The following DCLK1 variants were observed in gnomAD, a reference collection of about 807,000 sequenced individuals.
DCLK1 encodes the protein doublecortin like kinase 1.
A neutral mutation model predicts 86.2 loss-of-function variants in DCLK1; 16 were observed. That is an observed-to-expected ratio of 0.19 (90% CI 0.13 to 0.28). The LOEUF (loss-of-function observed/expected upper bound fraction) is 0.28, where lower values mean the gene tolerates loss of function less well. Among genes scored for constraint, DCLK1 ranks in the 10% least tolerant of loss-of-function variants. The probability of loss-of-function intolerance (pLI) is 1.00; values close to 1 mark genes in which losing one functional copy is unlikely to be tolerated. For synonymous variants in DCLK1, 369 were observed against 370.5 expected, an observed-to-expected ratio of 1.00 and a Z score of 0.05; for missense variants, 590 against 940.2, an observed-to-expected ratio of 0.63 and a Z score of 4.87.
chr13:35,822,755 G>C lies in DCLK1; in HGVS notation c.1528C>G (p.Arg510Gly). 6.2e-7 allele frequency: 1 copy of C among 1,613,990 alleles called. No individual in the cohort carries two copies. The highest frequency in any genetic ancestry group is 8.5e-7 in the Non-Finnish European group (1 of 1,180,006). Reference protein sequence around the residue: ...KYLHSLNIVHRDIKPENLLVY... With the variant: ...KYLHSLNIVHGDIKPENLLVY... ...AGCAGGTTCTCTGGCTTGATATCAC[G>C]GTGGACGATGTTCAGGCTATGCAGG... Residue 510 changes from arginine (R) to glycine (G), a missense_variant, in exon 11 of 17, where the codon CGT becomes GGT. Physicochemically the swap from Arg to Gly is moderately radical, Grantham distance 125. Transcript: ENST00000360631.
Position 35,817,004 on chromosome 13 carries a change from A to G in DCLK1, c.1554+5725T>C, listed in dbSNP as rs184567753. 2.6e-4 allele frequency among the ~76,000 whole-genome samples: 39 copies of G among 152,272 alleles called. 1 individual carries two copies. The highest frequency in any genetic ancestry group is 4.4e-5 in the Non-Finnish European group (3 of 68,020). ...GGTTCCACCAAGTGACTCTCCCACC[A>G]ACACATATGAGATAACTGTTATCCT... On this transcript the variant is annotated intron_variant, in intron 11 of 16. Coordinates refer to ENST00000360631, the MANE Select transcript of DCLK1 (RefSeq NM_001330071.2).
intron 4 of DCLK1, among the ~76,000 whole-genome samples, chr13:35,902,041 G>T (rs1464852975): frequency 6.6e-6 from 1 of 152,160 alleles, no homozygotes; most frequent in African/African-American, 2.4e-5. Flanking sequence ...TATGTTATTT[G>T]TTCTTTATCA....
intron 2 of DCLK1, among the ~76,000 whole-genome samples, chr13:36,114,478 C>T (rs1885713570): frequency 1.3e-5 from 2 of 152,162 alleles, no homozygotes; most frequent in Non-Finnish European, 2.9e-5. Context: ...AAGGAGCTGC[C>T]ACCAAATCCA....
intron 4 of DCLK1, among the ~76,000 whole-genome samples, chr13:35,921,629 T>C (rs1011506026): frequency 4.6e-5 from 7 of 152,194 alleles, no homozygotes; most frequent in African/African-American, 1.2e-4. Flanking sequence ...AGACCATGTC[T>C]GTCTTATGTA....
intron 3 of DCLK1, among the ~76,000 whole-genome samples, chr13:36,022,107 A>C (rs892218761): frequency 6.6e-6 from 1 of 152,124 alleles, no homozygotes; most frequent in Non-Finnish European, 1.5e-5. Context: ...ATGAAATTAG[A>C]AATTAATAAA....
chr13:36,043,279 A>G (rs1882757637), intron 3 of DCLK1, among the ~76,000 whole-genome samples: 1 of 152,054 alleles, frequency 6.6e-6, no homozygotes, highest in Admixed American at 6.6e-5. Context: ...AGTATTCTGA[A>G]AAATAAACAC....
At chr13:35,984,405 G>A (rs1319844221) in intron 3 of DCLK1, among the ~76,000 whole-genome samples, 1 of 152,216 alleles carries the variant, frequency 6.6e-6, no homozygotes, top group Non-Finnish European at 1.5e-5. Context: ...TCCACCTTGG[G>A]CAGAGCCCAG....
chr13:35,896,520 A>G (rs1011102325), intron 4 of DCLK1, among the ~76,000 whole-genome samples: 5 of 150,218 alleles, frequency 3.3e-5, no homozygotes, highest in African/African-American at 1.2e-4. Context: ...CCGGGGCAAC[A>G]AAAGCAAAAT....
At chr13:36,058,533 T>C (rs866205710) in intron 3 of DCLK1, among the ~76,000 whole-genome samples, 7 of 152,106 alleles carry the variant, frequency 4.6e-5, no homozygotes, top group African/African-American at 1.4e-4. Context: ...ATTCTAGATA[T>C]AGGCTGAGAA....
At chr13:36,082,533 A>G (rs1884455065) in intron 3 of DCLK1, among the ~76,000 whole-genome samples, 1 of 152,076 alleles carries the variant, frequency 6.6e-6, no homozygotes, top group Admixed American at 6.5e-5. Context: ...ACTGTACTTG[A>G]TATGTCATTT....
chr13:36,072,249 T>C (rs899464323), intron 3 of DCLK1, among the ~76,000 whole-genome samples: 1 of 152,222 alleles, frequency 6.6e-6, no homozygotes, highest in Non-Finnish European at 1.5e-5. Context: ...TAGCAGTGTA[T>C]GCACAAGTGT....
chr13:36,058,792 C>T (rs1452262372), intron 3 of DCLK1, among the ~76,000 whole-genome samples: 1 of 152,136 alleles, frequency 6.6e-6, no homozygotes, highest in Non-Finnish European at 1.5e-5. Context: ...TTGAATTTGG[C>T]ATCCAGGCCA....
rs551958187 is a variant in DCLK1, at chr13:36,004,750, AT to A, written c.724-57294del. On this transcript the variant is annotated intron_variant, in intron 3 of 16. Coordinates refer to ENST00000360631, the MANE Select transcript of DCLK1 (RefSeq NM_001330071.2). ...ACCACCATGCCCAGATAATTTTTGC[AT>A]TTTTTTCGTAGAAACAGGGTTTTGC... Among the ~76,000 whole-genome samples, 13 of 151,878 alleles carry A rather than the reference AT, an allele frequency of 8.6e-5. No homozygotes were observed. The South Asian group carries it at 2.7e-3, about 32-fold the overall frequency.
chr13:36,035,851 T>C (rs1168353275), intron 3 of DCLK1, among the ~76,000 whole-genome samples: 3 of 152,182 alleles, frequency 2.0e-5, no homozygotes, highest in African/African-American at 7.2e-5. Context: ...CAATTTGAAT[T>C]ATATACTACT....
At chr13:35,986,064 G>A (rs1481041001) in intron 3 of DCLK1, among the ~76,000 whole-genome samples, 1 of 152,048 alleles carries the variant, frequency 6.6e-6, no homozygotes, top group Non-Finnish European at 1.5e-5. Flanking sequence ...AGCACTTTGG[G>A]AGGTCGAGGC....
intron 3 of DCLK1, among the ~76,000 whole-genome samples, chr13:36,094,644 C>T (rs8001720): frequency 0.25 from 37,815 of 152,048 alleles, 4,957 homozygotes; most frequent in East Asian, 0.5. Flanking sequence ...AGACAAATGT[C>T]GTTACTGCAC....
intron 11 of DCLK1, among the ~76,000 whole-genome samples, chr13:35,814,426 C>T (rs932451857): frequency 6.6e-6 from 1 of 152,192 alleles, no homozygotes; most frequent in Non-Finnish European, 1.5e-5. Flanking sequence ...TTGGCTTAGA[C>T]TGCTCTCTGG....
chr13:36,056,779 C>T (rs1249320789), intron 3 of DCLK1, among the ~76,000 whole-genome samples: 1 of 149,836 alleles, frequency 6.7e-6, no homozygotes, highest in East Asian at 2.0e-4. Flanking sequence ...ACCTGTAGTC[C>T]CAGCTACTTG....
intron 6 of DCLK1, among the ~76,000 whole-genome samples, chr13:35,844,156 C>A (rs1199886693): frequency 1.3e-5 from 2 of 152,020 alleles, no homozygotes; most frequent in African/African-American, 4.8e-5. Context: ...TACATTCAGC[C>A]TAAATAAAGT....
Sources: allele counts gnomAD v4.1 joint callset (sites outside exome capture counted in the v4.1 genomes callset), GRCh38; gene constraint gnomAD v4.1.1; transcripts MANE v1.5; gene names NCBI Gene and HGNC (gene_info 2026-07-23, HGNC 2026-07-21).